Variants in ENOPH1 observed in about 807,000 individuals in gnomAD.
ENOPH1 encodes the protein enolase-phosphatase E1.
In ENOPH1, 14 loss-of-function variants were observed where a neutral mutation model predicts 31.1. The observed-to-expected ratio is 0.45, with a 90% CI of 0.30 to 0.70. The LOEUF is 0.70. Ranked by LOEUF, ENOPH1 falls within the 30% of genes least tolerant of loss-of-function variation. The pLI is 0.09. For missense variants in ENOPH1, 243 were observed against 321.5 expected (o/e 0.76, Z 1.87); for synonymous variants, 127 against 123.2 (o/e 1.03, Z -0.21).
rs1041569982 is a variant in ENOPH1, at chr4:82,455,756, A to G, written c.522+902A>G. Among the ~76,000 whole-genome samples the G allele has an allele frequency of 1.4e-4, 21 of 152,088 alleles. 1 individual carries two copies. On this transcript the variant is annotated intron_variant, in intron 4 of 5. Transcript: ENST00000273920. ...AGCTGAGATCGTGCCACTGCACTCC[A>G]GCCTGGGCGATAGAGTGAGATTCCA... is the stretch of plus-strand genomic sequence containing the variant.
At chr4:82,437,146 A>C (rs1260853138) in intron 1 of ENOPH1, among the ~76,000 whole-genome samples, 3 of 152,150 alleles carry the variant, frequency 2.0e-5, no homozygotes, top group Non-Finnish European at 4.4e-5. Flanking sequence ...ATTTTTCTAG[A>C]ACCTTCAGTA....
chr4:82,436,717 A>G (rs895281811), intron 1 of ENOPH1, among the ~76,000 whole-genome samples: 4 of 151,004 alleles, frequency 2.6e-5, no homozygotes, highest in African/African-American at 7.3e-5. Context: ...GTGGATAGAA[A>G]GCACCTCTGG....
At chr4:82,436,969 A>G (rs1721921079) in intron 1 of ENOPH1, among the ~76,000 whole-genome samples, 1 of 151,998 alleles carries the variant, frequency 6.6e-6, no homozygotes, top group Non-Finnish European at 1.5e-5. Context: ...ATAATTCAGT[A>G]TGGGCATGGT....
intron 1 of ENOPH1, among the ~76,000 whole-genome samples, chr4:82,438,920 T>C (rs1721973893): frequency 6.6e-6 from 1 of 152,252 alleles, no homozygotes; most frequent in South Asian, 2.1e-4. Context: ...ATATGAAACT[T>C]TGAATTTCAC....
At chr4:82,455,994 A>G (rs1722483523) in intron 4 of ENOPH1, among the ~76,000 whole-genome samples, 1 of 151,996 alleles carries the variant, frequency 6.6e-6, no homozygotes, top group Non-Finnish European at 1.5e-5. Context: ...TCTTATTTTT[A>G]AATCAAATAT....
At chr4:82,443,266 A>G (rs978238295) in intron 1 of ENOPH1, among the ~76,000 whole-genome samples, 5 of 151,594 alleles carry the variant, frequency 3.3e-5, no homozygotes, top group Admixed American at 6.6e-5. Context: ...GCGAAACCCC[A>G]TCTCTACTAA....
At chr4:82,451,306 C>T (rs1722345073) in intron 3 of ENOPH1, 61 bp downstream of exon 3, 2 of 1,502,958 alleles carry the variant, frequency 1.3e-6, no homozygotes, top group Non-Finnish European at 1.8e-6. Flanking sequence ...GTTTTTTCAC[C>T]AGTCCTCTCT....
At position 82,458,489 on chromosome 4, in the gene ENOPH1, G is replaced by A. The variant is rs536564747; in HGVS notation, c.646+1451G>A. On this transcript the variant is annotated intron_variant, in intron 5 of 5. Transcript: ENST00000273920. ...CATGCCACTGCACTCCAGCCTGAGCGACAGAGAGAGACCCTTCTGAAAAAA... is the reference window on the plus strand; with the variant it reads ...CATGCCACTGCACTCCAGCCTGAGCAACAGAGAGAGACCCTTCTGAAAAAA... 3.3e-5 allele frequency among the ~76,000 whole-genome samples: 5 copies of A among 152,242 alleles called. No homozygotes were observed. The East Asian group carries it at 7.7e-4, about 23-fold the overall frequency.
intron 5 of ENOPH1, among the ~76,000 whole-genome samples, chr4:82,457,303 G>C (rs1471286289): frequency 6.6e-6 from 1 of 152,030 alleles, no homozygotes. Flanking sequence ...TTGAACCCAG[G>C]AGTTCGACAC....
At chr4:82,450,178 A>G (rs1234026443) in intron 2 of ENOPH1, among the ~76,000 whole-genome samples, 3 of 152,226 alleles carry the variant, frequency 2.0e-5, no homozygotes, top group Non-Finnish European at 2.9e-5. Context: ...CTCAGGGTTA[A>G]TCTGAAATAC....
intron 1 of ENOPH1, among the ~76,000 whole-genome samples, chr4:82,433,092 T>C (rs978516214): frequency 6.6e-6 from 1 of 152,188 alleles, no homozygotes; most frequent in Admixed American, 6.5e-5. Flanking sequence ...CCACTCTGGC[T>C]CTCTCTTGCT....
At chr4:82,447,746 GTTTA>G (rs1387706862) in intron 1 of ENOPH1, among the ~76,000 whole-genome samples, 170 bp from the exon 2 acceptor site, 2 of 152,188 alleles carry the variant, frequency 1.3e-5, no homozygotes, top group African/African-American at 2.4e-5. Context: ...TCTTGGTCTA[GTTTA>G]TTTGTTTCTT....
intron 2 of ENOPH1, 24 bp from the exon 3 acceptor site, chr4:82,451,019 C>A: frequency 6.3e-7 from 1 of 1,598,582 alleles, no homozygotes; most frequent in African/African-American, 1.3e-5. Flanking sequence ...AAAAAACAAA[C>A]ATCATGTTGT....
chr4:82,450,947 T>C (rs1260446593), intron 2 of ENOPH1, 96 bp from the exon 3 acceptor site: 5 of 936,860 alleles, frequency 5.3e-6, no homozygotes, highest in African/African-American at 1.6e-5. Context: ...GGGCTAATGA[T>C]GGAGAAAGTT....
intron 2 of ENOPH1, among the ~76,000 whole-genome samples, chr4:82,448,255 T>A (rs1400990738): frequency 7.3e-6 from 1 of 137,506 alleles, no homozygotes; most frequent in Admixed American, 7.0e-5. Flanking sequence ...TGTTTTGTTT[T>A]GTTTTGTTTT....
chr4:82,459,166 A>G (rs1199613283), intron 5 of ENOPH1, among the ~76,000 whole-genome samples: 3 of 152,178 alleles, frequency 2.0e-5, no homozygotes, highest in Non-Finnish European at 4.4e-5. Flanking sequence ...ACAGGCCTGT[A>G]TCCCATTTCC....
At chr4:82,451,361 A>T in intron 3 of ENOPH1, 116 bp downstream of exon 3, 1 of 999,292 alleles carries the variant, frequency 1.0e-6, no homozygotes, top group Non-Finnish European at 1.5e-6. Flanking sequence ...AAAAATCCAC[A>T]CTCTTTTTAG....
intron 1 of ENOPH1, among the ~76,000 whole-genome samples, chr4:82,436,566 G>C (rs1289569547): frequency 6.6e-6 from 1 of 151,772 alleles, no homozygotes. Flanking sequence ...ATGTGCCTGT[G>C]ATCCCAGCTA....
chr4:82,443,358 AGCCCAGGAGAC>A (rs1722091131), intron 1 of ENOPH1, among the ~76,000 whole-genome samples: 3 of 151,440 alleles, frequency 2.0e-5, no homozygotes, highest in South Asian at 4.2e-4. Flanking sequence ...GGATCACCTG[AGCCCAGGAGAC>A]GAAGTTGCAG....
Sources: gnomAD v4.1 joint callset for allele counts (sites outside exome capture counted in the v4.1 genomes callset) on GRCh38, gnomAD v4.1.1 for gene constraint, MANE v1.5 for transcripts, NCBI Gene and HGNC (gene_info 2026-07-23, HGNC 2026-07-21) for gene names.